RASEF: variants seen among roughly 807,000 people sequenced by gnomAD.
The protein encoded by RASEF is RAS and EF-hand domain containing, also known as ras and EF-hand domain-containing protein.
In RASEF, 68 loss-of-function variants were observed where a neutral mutation model predicts 90.1. The ratio of observed to expected loss-of-function variants is 0.75; its 90% confidence interval spans 0.62 to 0.92. The LOEUF (loss-of-function observed/expected upper bound fraction) is 0.92. RASEF is among the 40% of genes least tolerant of loss of function. The probability of loss-of-function intolerance (pLI) is 0.00; values close to 1 mark genes in which losing one functional copy is unlikely to be tolerated. For synonymous variants in RASEF, 331 were observed against 345.2 expected (o/e 0.96, Z 0.46); for missense variants, 949 against 937.2 (o/e 1.01, Z -0.16).
the RASEF span, among the ~76,000 whole-genome samples, chr9:83,122,021 T>C: frequency 0.53 from 80,356 of 152,002 alleles, 21,616 homozygotes; most frequent in East Asian, 0.79. Context: ...GATACAGTAT[T>C]TAGGAAGTGC....
the RASEF span, among the ~76,000 whole-genome samples, chr9:83,112,799 A>G: frequency 6.6e-6 from 1 of 152,090 alleles, no homozygotes; most frequent in Non-Finnish European, 1.5e-5. Context: ...ACAAAACTCT[A>G]TACTTGGGAT....
chr9:83,035,346 G>T (rs541693934), intron 1 of RASEF, among the ~76,000 whole-genome samples: 1 of 152,168 alleles, frequency 6.6e-6, no homozygotes, highest in African/African-American at 2.4e-5. Flanking sequence ...CAGGCAGAGG[G>T]ATAGATGAGC....
rs774838884 is a variant in RASEF, at chr9:83,000,976, C to T, written c.1357G>A (p.Val453Met). Residue 453 changes from valine to methionine, a missense_variant, in exon 10 of 17, where the codon GTG becomes ATG. Val to Met is a conservative substitution (Grantham distance 21, BLOSUM62 1). Around this residue, in one of 3 missense-constraint regions of RASEF, gnomAD observed 656 missense variants for 592.2 expected, o/e 1.11. Transcript: ENST00000376447. ...AATCCCCTCTGGTGCTTGTATTCCA[C>T]TTCTGAGTCATACTCATTGGGATCT... is the stretch of plus-strand genomic sequence containing the variant. The part of the protein sequence containing the change: ...LRDPNEYDSE[V>M]EYKHQRGFQR... The T allele has an allele frequency of 7.4e-6, 12 of 1,614,036 alleles. No homozygotes were observed. The highest frequency in any genetic ancestry group is 1.0e-5 in the Non-Finnish European group (12 of 1,180,046).
intron 6 of RASEF, 112 bp downstream of exon 6, chr9:83,009,524 TAAAGA>T (rs1829200450): frequency 5.7e-6 from 3 of 524,638 alleles, no homozygotes; most frequent in African/African-American, 5.7e-5. Flanking sequence ...CATTAGAAAG[TAAAGA>T]AGATATTAGC....
chr9:83,124,977 C>T, the RASEF span, among the ~76,000 whole-genome samples: 3 of 152,222 alleles, frequency 2.0e-5, no homozygotes, highest in Admixed American at 1.3e-4. Flanking sequence ...GTGATAGCAT[C>T]GCCAATTGCT....
intron 1 of RASEF, among the ~76,000 whole-genome samples, chr9:83,033,992 T>C (rs991509138): frequency 6.6e-6 from 1 of 152,212 alleles, no homozygotes; most frequent in Non-Finnish European, 1.5e-5. Context: ...AGTACTCTTC[T>C]AAAAACGTAT....
At chr9:83,137,795 GA>G in the RASEF span, among the ~76,000 whole-genome samples, 419 of 147,024 alleles carry the variant, frequency 2.8e-3, 1 homozygote, top group African/African-American at 9.4e-3. Context: ...TGAAGTGATT[GA>G]AAAAAAAAAA....
chr9:83,215,798 T>C, the RASEF span, among the ~76,000 whole-genome samples: 4 of 152,100 alleles, frequency 2.6e-5, no homozygotes, highest in African/African-American at 9.6e-5. Flanking sequence ...TATGGGAAAG[T>C]TTGGAACTTC....
At chr9:83,167,036 C>T in the RASEF span, among the ~76,000 whole-genome samples, 60 of 152,214 alleles carry the variant, frequency 3.9e-4, no homozygotes, top group African/African-American at 1.3e-3. Context: ...GCTATGTGAT[C>T]TGGGAAAATT....
chr9:83,134,029 T>A, the RASEF span, among the ~76,000 whole-genome samples: 1 of 152,156 alleles, frequency 6.6e-6, no homozygotes, highest in African/African-American at 2.4e-5. Context: ...GTCCAAATTA[T>A]GATAGTCAAC....
the RASEF span, among the ~76,000 whole-genome samples, chr9:83,089,932 A>AGAT: frequency 6.6e-6 from 1 of 151,064 alleles, no homozygotes; most frequent in Non-Finnish European, 1.5e-5. Context: ...ATAGATAGAT[A>AGAT]GATAGATAGA....
chr9:83,071,318 A>G, the RASEF span, among the ~76,000 whole-genome samples: 1 of 152,192 alleles, frequency 6.6e-6, no homozygotes, highest in Non-Finnish European at 1.5e-5. Flanking sequence ...ATGGCTGAGA[A>G]TATTTATCAT....
At chr9:83,175,551 A>G in the RASEF span, among the ~76,000 whole-genome samples, 1 of 150,638 alleles carries the variant, frequency 6.6e-6, no homozygotes, top group African/African-American at 2.4e-5. Flanking sequence ...ATTTCATTTC[A>G]TTGTGGCTAA....
chr9:83,151,434 C>T, the RASEF span, among the ~76,000 whole-genome samples: 1 of 152,108 alleles, frequency 6.6e-6, no homozygotes, highest in Non-Finnish European at 1.5e-5. Flanking sequence ...CTAGATGGGC[C>T]AGCAGGTAGG....
chr9:83,073,170 G>C, the RASEF span, among the ~76,000 whole-genome samples: 2 of 152,066 alleles, frequency 1.3e-5, no homozygotes, highest in African/African-American at 4.8e-5. Context: ...TCTTGGAGGA[G>C]TACCCTCCTG....
At chr9:83,217,727 G>T in the RASEF span, among the ~76,000 whole-genome samples, 523 of 152,220 alleles carry the variant, frequency 3.4e-3, 1 homozygote, top group African/African-American at 0.012. Context: ...CCAGTCTCAG[G>T]TATGTCTTTA....
chr9:83,147,035 T>C, the RASEF span, among the ~76,000 whole-genome samples: 3 of 110,756 alleles, frequency 2.7e-5, no homozygotes, highest in Admixed American at 2.8e-4. Flanking sequence ...TGTGTATATA[T>C]ATATGTATAT....
At chr9:83,074,198 TAAC>T in the RASEF span, among the ~76,000 whole-genome samples, 2 of 152,226 alleles carry the variant, frequency 1.3e-5, no homozygotes, top group African/African-American at 2.4e-5. Flanking sequence ...ATCTTCAATC[TAAC>T]AACAACAAAA....
At chr9:83,152,337 A>C in the RASEF span, among the ~76,000 whole-genome samples, 1 of 152,160 alleles carries the variant, frequency 6.6e-6, no homozygotes, top group East Asian at 1.9e-4. Flanking sequence ...AATAATTAGT[A>C]TTTTGCTCTT....
Sources: allele counts gnomAD v4.1 joint callset (sites outside exome capture counted in the v4.1 genomes callset), GRCh38; gene constraint gnomAD v4.1.1; regional missense constraint gnomAD v4.1.1; transcripts MANE v1.5; gene names NCBI Gene and HGNC (gene_info 2026-07-23, HGNC 2026-07-21).